The following SLC25A10 variants were observed in gnomAD, a reference collection of about 807,000 sequenced individuals.
SLC25A10 encodes the protein mitochondrial dicarboxylate carrier.
In SLC25A10, 32 loss-of-function variants were observed where a neutral mutation model predicts 40.4. That is an observed-to-expected ratio of 0.79 (90% CI 0.60 to 1.06). The LOEUF (loss-of-function observed/expected upper bound fraction) is 1.06. SLC25A10 is among the 50% of genes least tolerant of loss of function. The pLI is 0.00. For missense variants in SLC25A10, 394 were observed against 402.6 expected (o/e 0.98, Z 0.18); for synonymous variants, 181 against 171.1 (o/e 1.06, Z -0.45).
intron 8 of SLC25A10, 105 bp from the exon 9 acceptor site, chr17:81,717,678 TC>T: frequency 1.4e-6 from 2 of 1,415,756 alleles, no homozygotes; most frequent in Non-Finnish European, 9.7e-7. Flanking sequence ...GCCAGCATGT[TC>T]CTGGCCCGCC....
chr17:81,720,565 G>C lies in SLC25A10; in HGVS notation c.*488G>C, dbSNP rs1035177647. On this transcript the variant is annotated 3_prime_UTR_variant, in exon 11 of 11. Coordinates refer to ENST00000350690, the MANE Select transcript of SLC25A10 (RefSeq NM_012140.5). ...GAGCAACCAGACCTTCCATGTCCTC[G>C]GGCAGCTGCAACTCCCCGCGAGACC... The C allele has an allele frequency of 1.6e-6, 2 of 1,256,894 alleles. No homozygotes were observed. Among genetic ancestry groups the C allele is most frequent in the African/African-American group, 1.5e-5 (1 of 65,174 alleles). The allele number at this position is 1,256,894 out of a possible 1,614,324, so 77.9% of individuals were successfully genotyped here.
Position 81,715,601 on chromosome 17 carries a change from CCGGG to C in SLC25A10, c.328+14_328+17del. On this transcript the variant is annotated intron_variant, in intron 3 of 10. Coordinates refer to ENST00000350690, the MANE Select transcript of SLC25A10 (RefSeq NM_012140.5). ...GCTGGGCTCCGTCAGCGGTGAGCTGCCGGGCGGGAGGGGGAGGGGCGCGGGGTGG... is the reference window on the plus strand; with the variant it reads ...GCTGGGCTCCGTCAGCGGTGAGCTGCCGGGAGGGGGAGGGGCGCGGGGTGG... 6 of 1,611,732 alleles carry C rather than the reference CCGGG, an allele frequency of 3.7e-6. No individual in the cohort carries two copies. The highest frequency in any genetic ancestry group is 5.1e-6 in the Non-Finnish European group (6 of 1,178,906).
chr17:81,717,203 C>A, intron 7 of SLC25A10, 131 bp downstream of exon 7: 7 of 1,144,978 alleles, frequency 6.1e-6, no homozygotes, highest in African/African-American at 1.5e-5. Context: ...CCTTGTGGGG[C>A]AGGGTGGGGG....
At chr17:81,716,224 C>T (rs1044108249) in intron 5 of SLC25A10, among the ~76,000 whole-genome samples, 174 bp downstream of exon 5, 1 of 152,210 alleles carries the variant, frequency 6.6e-6, no homozygotes, top group Non-Finnish European at 1.5e-5. Flanking sequence ...TCTGCGCCCC[C>T]AGGACCTTTG....
intron 7 of SLC25A10, 101 bp from the exon 8 acceptor site, chr17:81,717,298 C>A: frequency 8.2e-7 from 1 of 1,212,236 alleles, no homozygotes; most frequent in Non-Finnish European, 1.2e-6. Context: ...ACAGACGGAG[C>A]AGGTGCTTGG....
At position 81,720,345 on chromosome 17, in the gene SLC25A10, CAG is replaced by C. The variant is rs1448304641; in HGVS notation, c.*269_*270del. 15 of 1,421,200 alleles carry C rather than the reference CAG, an allele frequency of 1.1e-5. No individual in the cohort carries two copies. The highest frequency in any genetic ancestry group is 5.1e-5 in the East Asian group (2 of 39,070). The allele number at this position is 1,421,200 out of a possible 1,614,324, so 88.0% of individuals were successfully genotyped here. On this transcript the variant is annotated 3_prime_UTR_variant, in exon 11 of 11. Transcript: ENST00000350690. ...TGCCCCTCTCCCGCTGGCAGCTCCT[CAG>C]GGGAACAGGGGCTACCAGAGGCTGA...
In SLC25A10 at chr17:81,719,833, C is replaced by T. The variant is rs753289722; in HGVS notation, c.708C>T (p.Gly236=). 3.6e-5 allele frequency: 58 copies of T among 1,613,214 alleles called. 1 individual carries two copies. Among genetic ancestry groups the T allele is most frequent in the South Asian group, 8.8e-5 (8 of 91,046 alleles). The change falls in exon 10 of 11, where the codon GGC becomes GGT. Residue 236 remains glycine (G), a splice_region_variant and synonymous_variant. Transcript: ENST00000350690. ...RLMNSKGEYQ[G]VFHCAVETAK... is the part of the protein sequence containing the mutation. Reference sequence around the variant, plus strand: ...TTGTTTCACTGCGTTTTCTGCAGGGCGTTTTCCACTGCGCCGTGGAGACAG... The same window carrying T: ...TTGTTTCACTGCGTTTTCTGCAGGGTGTTTTCCACTGCGCCGTGGAGACAG...
chr17:81,714,217 A>G (rs986477086), intron 1 of SLC25A10, among the ~76,000 whole-genome samples: 2 of 152,330 alleles, frequency 1.3e-5, no homozygotes, highest in African/African-American at 4.8e-5. Flanking sequence ...GGTGGGACCC[A>G]GGAGCTGGGA....
At chr17:81,714,080 G>C (rs1220582996) in intron 1 of SLC25A10, among the ~76,000 whole-genome samples, 2 of 152,236 alleles carry the variant, frequency 1.3e-5, no homozygotes, top group Non-Finnish European at 2.9e-5. Flanking sequence ...GTTCTGCTGG[G>C]CTCGCACAAT....
intron 5 of SLC25A10, among the ~76,000 whole-genome samples, chr17:81,716,466 C>T (rs575613364): frequency 4.5e-4 from 68 of 152,296 alleles, no homozygotes; most frequent in African/African-American, 1.2e-3. Flanking sequence ...CCACTTCCCC[C>T]GCCCCTTCCA....
Position 81,720,588 on chromosome 17 carries a change from A to C in SLC25A10, c.*511A>C. ...TCGGGCAGCTGCAACTCCCCGCGAG[A>C]CCCCGCAGCTGGGTGGGATGAACAA... On this transcript the variant is annotated 3_prime_UTR_variant, in exon 11 of 11. Transcript: ENST00000350690. 8.6e-7 allele frequency: 1 copy of C among 1,165,692 alleles called. No homozygotes were observed. Among genetic ancestry groups the C allele is most frequent in the Non-Finnish European group, 1.1e-6 (1 of 920,384 alleles). 72.2% of individuals were successfully genotyped at this position (1,165,692 alleles called of 1,614,324 possible). A position where few individuals can be genotyped will look rare whatever the true frequency, so the allele number is the denominator to read the frequency against.
Position 81,715,682 on chromosome 17 carries a change from T to C in SLC25A10, c.329-11T>C, listed in dbSNP as rs987411556. The C allele has an allele frequency of 6.2e-7, 1 of 1,613,280 alleles. No individual in the cohort carries two copies. The highest frequency in any genetic ancestry group is 1.3e-5 in the African/African-American group (1 of 75,032). ...CAGCACGGCTCATCTCTGGGGTTTG[T>C]GTCACCGCAGGTTTAGCTGGAGGCT... On this transcript the variant is annotated splice_polypyrimidine_tract_variant and intron_variant, in intron 3 of 10. Coordinates refer to ENST00000350690, the MANE Select transcript of SLC25A10 (RefSeq NM_012140.5).
In SLC25A10 at chr17:81,717,929, T is replaced by G. The variant is rs568728232; in HGVS notation, c.705+68T>G. ...CGAGTCCCCTCACCTCTCCGGGGGG[T>G]GGACACTCGCACTGGGGACCCGGGG... On this transcript the variant is annotated intron_variant, in intron 9 of 10. Transcript: ENST00000350690. 7 of 1,230,636 alleles carry G rather than the reference T, an allele frequency of 5.7e-6. No individual in the cohort carries two copies. The Admixed American group carries it at 1.4e-4, about 24-fold the overall frequency. 76.2% of individuals were successfully genotyped at this position (1,230,636 alleles called of 1,614,324 possible). A position where few individuals can be genotyped will look rare whatever the true frequency, so the allele number is the denominator to read the frequency against.
chr17:81,714,901 G>C, intron 1 of SLC25A10, 52 bp from the exon 2 acceptor site: 1 of 1,594,104 alleles, frequency 6.3e-7, no homozygotes, highest in Non-Finnish European at 8.5e-7. Flanking sequence ...GGATGAACCT[G>C]GCACCGATCC....
At position 81,719,934 on chromosome 17, in the gene SLC25A10, C is replaced by T. The variant is rs2037559938; in HGVS notation, c.763-42C>T. The T allele has an allele frequency of 4.3e-6, 7 of 1,613,648 alleles. No homozygotes were observed. The East Asian group carries it at 1.6e-4, about 36-fold the overall frequency. ...CGGCTTGGGCAATGGGGAGCGGGCCCCTTCGGGCTCTGTGTCTCTCATTTT... is the reference window on the plus strand; with the variant it reads ...CGGCTTGGGCAATGGGGAGCGGGCCTCTTCGGGCTCTGTGTCTCTCATTTT... On this transcript the variant is annotated intron_variant, in intron 10 of 10. Transcript: ENST00000350690.
At chr17:81,717,371 A>G in intron 7 of SLC25A10, 28 bp from the exon 8 acceptor site, 2 of 1,611,152 alleles carry the variant, frequency 1.2e-6, no homozygotes, top group Non-Finnish European at 1.7e-6. Context: ...TCCCCCCTAC[A>G]GCCCTGACCG....
chr17:81,714,979 G>C lies in SLC25A10; in HGVS notation c.120G>C (p.Val40=). ...LKVHLQTQQE[V]KLRMTGMALR... ...TGCATCTGCAGACGCAGCAGGAGGT[G>C]AAGCTGCGCATGACGGGCATGGCGC... The change falls in exon 2 of 11, where the codon GTG becomes GTC. Residue 40 remains valine, a synonymous_variant. Transcript: ENST00000350690. The C allele has an allele frequency of 6.2e-7, 1 of 1,609,372 alleles. No homozygotes were observed. Among genetic ancestry groups the C allele is most frequent in the Non-Finnish European group, 8.5e-7 (1 of 1,179,924 alleles).
intron 9 of SLC25A10, 36 bp downstream of exon 9, chr17:81,717,897 A>G (rs771936707): frequency 9.8e-6 from 15 of 1,526,048 alleles, no homozygotes; most frequent in Middle Eastern, 1.8e-4. Context: ...TGGGCTGCAC[A>G]GCCCAGCGAG....
At chr17:81,716,917 T>C in intron 6 of SLC25A10, 62 bp downstream of exon 6, 2 of 1,604,010 alleles carry the variant, frequency 1.2e-6, no homozygotes, top group Non-Finnish European at 8.5e-7. Flanking sequence ...GGCAGCGCTG[T>C]AGAAGACTGG....
Sources: allele counts gnomAD v4.1 joint callset (sites outside exome capture counted in the v4.1 genomes callset), GRCh38; gene constraint gnomAD v4.1.1; transcripts MANE v1.5; gene names NCBI Gene and HGNC (gene_info 2026-07-23, HGNC 2026-07-21).